Variants in UBXN6 observed in about 807,000 individuals in gnomAD.
The protein encoded by UBXN6 is UBX domain-containing protein 6.
In UBXN6, 44 loss-of-function variants were observed where a neutral mutation model predicts 51.4. That is an observed-to-expected ratio of 0.86 (90% confidence interval 0.67 to 1.10). The LOEUF (loss-of-function observed/expected upper bound fraction) is 1.10, where lower values mean the gene tolerates loss of function less well. Ranked by LOEUF, UBXN6 falls within the 50% of genes least tolerant of loss-of-function variation. The pLI is 0.00. For synonymous variants in UBXN6, 316 were observed against 263.2 expected, an observed-to-expected ratio of 1.20 and a Z score of -1.94; for missense variants, 672 against 596.1, an observed-to-expected ratio of 1.13 and a Z score of -1.32.
intron 5 of UBXN6, chr19:4,447,965 C>T (rs750985869): frequency 1.1e-4 from 53 of 497,046 alleles, no homozygotes; most frequent in Non-Finnish European, 1.7e-4. Context: ...GGGGCTCCTG[C>T]GGGGTGCTCC....
In UBXN6 at chr19:4,445,411, G is replaced by A; in HGVS notation, c.*87C>T. ...GGGGCAGAGCCAAGTATTTCCAGAG[G>A]TGGCTTGGAGGCCCTGGGGTGGCGG... On this transcript the variant is annotated 3_prime_UTR_variant, in exon 11 of 11. Transcript: ENST00000301281. The A allele has an allele frequency of 6.3e-7, 1 of 1,580,688 alleles. No individual in the cohort carries two copies.
chr19:4,445,271 T>C lies in UBXN6; in HGVS notation c.*227A>G. The C allele has an allele frequency of 1.6e-6, 1 of 609,534 alleles. No individual in the cohort carries two copies. 37.8% of individuals were successfully genotyped at this position (609,534 alleles called of 1,614,324 possible). The stretch of plus-strand genomic sequence containing the variant: ...TAGGGAGGGCTTAGATTTGTTGGTG[T>C]CCCCAGGCCTCTCCCTCGGGGGCTT... On this transcript the variant is annotated 3_prime_UTR_variant, in exon 11 of 11. Transcript: ENST00000301281.
At chr19:4,454,509 A>T (rs1240846909) in intron 1 of UBXN6, among the ~76,000 whole-genome samples, 2 of 152,032 alleles carry the variant, frequency 1.3e-5, no homozygotes, top group Non-Finnish European at 2.9e-5. Flanking sequence ...TGCAATCCTG[A>T]GCTCCCAGGC....
At position 4,457,762 on chromosome 19, in the gene UBXN6, G is replaced by A; in HGVS notation, c.-65C>T. On this transcript the variant is annotated 5_prime_UTR_variant, in exon 1 of 11. Transcript: ENST00000301281. ...GGGGGCACGGGGCCCAGTCGGGGAC[G>A]GGGCCGCCGGAGACCAGCCACCGGA... 3.3e-6 allele frequency: 3 copies of A among 912,452 alleles called. No homozygotes were observed. The highest frequency in any genetic ancestry group is 3.0e-6 in the Non-Finnish European group (2 of 675,332). 56.5% of individuals were successfully genotyped at this position (912,452 alleles called of 1,614,324 possible).
Position 4,445,281 on chromosome 19 carries a change from T to A in UBXN6, c.*217A>T. ...TTAGATTTGTTGGTGTCCCCAGGCC[T>A]CTCCCTCGGGGGCTTGGGCGCATCC... On this transcript the variant is annotated 3_prime_UTR_variant, in exon 11 of 11. Transcript: ENST00000301281. 1.4e-6 allele frequency: 1 copy of A among 704,750 alleles called. No individual in the cohort carries two copies. Among genetic ancestry groups the A allele is most frequent in the Non-Finnish European group, 2.3e-6 (1 of 429,854 alleles). The allele number at this position is 704,750 out of a possible 1,614,324, so 43.7% of individuals were successfully genotyped here. A position where few individuals can be genotyped will look rare whatever the true frequency, so the allele number is the denominator to read the frequency against.
intron 1 of UBXN6, among the ~76,000 whole-genome samples, chr19:4,455,849 C>T (rs981044130): frequency 1.3e-5 from 2 of 152,114 alleles, no homozygotes; most frequent in African/African-American, 2.4e-5. Context: ...TGGGAGAGGC[C>T]TTCCCAAACC....
Position 4,457,483 on chromosome 19 carries a change from C to G in UBXN6, c.83+132G>C, listed in dbSNP as rs531175438. On this transcript the variant is annotated intron_variant, in intron 1 of 10. Coordinates refer to ENST00000301281, the MANE Select transcript of UBXN6 (RefSeq NM_025241.3). ...TTCGTCCGCCCCCGGCGCCTCTCCC[C>G]CTCCCCTGACCCTCGCGTGCCGCTC... is the stretch of plus-strand genomic sequence containing the variant. The G allele has an allele frequency of 7.4e-5, 51 of 690,080 alleles. 1 individual carries two copies. In the African/African-American group the frequency reaches 9.7e-4, roughly 13 times the overall value. 42.7% of individuals were successfully genotyped at this position (690,080 alleles called of 1,614,324 possible).
At chr19:4,448,193 G>C in intron 5 of UBXN6, 125 bp downstream of exon 5, 1 of 857,314 alleles carries the variant, frequency 1.2e-6, no homozygotes, top group Non-Finnish European at 1.8e-6. Context: ...CTCACTCTCG[G>C]CCTATGCTCC....
rs545063702 is a variant in UBXN6 at position 4,457,736 on chromosome 19, G to A, written c.-39C>T. 103 of 1,401,286 alleles carry A rather than the reference G, an allele frequency of 7.4e-5. 2 individuals are homozygous for A. In the South Asian group the frequency reaches 1.3e-3, roughly 17 times the overall value. 86.8% of individuals were successfully genotyped at this position (1,401,286 alleles called of 1,614,324 possible). A position where few individuals can be genotyped will look rare whatever the true frequency, so the allele number is the denominator to read the frequency against. ...CCGGCGGCGGGGGGCCGCGGGGGCG[G>A]GGGGGCACGGGGCCCAGTCGGGGAC... is the stretch of plus-strand genomic sequence containing the variant. On this transcript the variant is annotated 5_prime_UTR_variant, in exon 1 of 11. Transcript: ENST00000301281.
chr19:4,446,298 C>A lies in UBXN6; in HGVS notation c.1036G>T (p.Gly346Cys). 1 of 1,572,146 alleles carries A rather than the reference C, an allele frequency of 6.4e-7. No homozygotes were observed. The highest frequency in any genetic ancestry group is 1.1e-5 in the South Asian group (1 of 87,216). ...TGGTGCCCACCCTGCAGGAGGCAGC[C>A]ATCGGGGAGGCGCACGCGCAGCAGC... ...YTLLRVRLPD[G>C]CLLQGTFYAR... The change falls in exon 9 of 11, where the codon GGC becomes TGC. Residue 346 changes from glycine to cysteine, a missense_variant. Transcript: ENST00000301281.
At chr19:4,448,241 G>A (rs890474132) in intron 5 of UBXN6, 77 bp downstream of exon 5, 4 of 1,329,358 alleles carry the variant, frequency 3.0e-6, no homozygotes, top group East Asian at 2.5e-5. Flanking sequence ...GGGGGCCAGA[G>A]GGGGTGACAG....
chr19:4,448,005 A>G, intron 5 of UBXN6: 1 of 519,166 alleles, frequency 1.9e-6, no homozygotes. Context: ...GTGGACCTCC[A>G]GGCCTGCCCC....
chr19:4,448,614 G>A, intron 4 of UBXN6, 199 bp from the exon 5 acceptor site: 1 of 595,592 alleles, frequency 1.7e-6, no homozygotes, highest in Non-Finnish European at 3.0e-6. Flanking sequence ...AGGCGACGCA[G>A]CCAAGACCCA....
At position 4,446,205 on chromosome 19, in the gene UBXN6, G is replaced by C; in HGVS notation, c.1052-8C>G. On this transcript the variant is annotated splice_polypyrimidine_tract_variant and splice_region_variant and intron_variant, in intron 9 of 10. Transcript: ENST00000301281. ...CCCGAGCGTAGAAAGTGCCTGGGGA[G>C]TGGGGGAGTCAGAGCGGGTGGGGCC... 1.3e-6 allele frequency: 2 copies of C among 1,598,004 alleles called. No homozygotes were observed. The highest frequency in any genetic ancestry group is 1.7e-6 in the Non-Finnish European group (2 of 1,175,434).
chr19:4,447,326 G>T (rs1205571264), intron 6 of UBXN6: 3 of 589,884 alleles, frequency 5.1e-6, no homozygotes, highest in Non-Finnish European at 6.1e-6. Flanking sequence ...AAGGATGCAG[G>T]TGAGGAGAGG....
intron 4 of UBXN6, 106 bp downstream of exon 4, chr19:4,452,258 C>T: frequency 6.6e-7 from 1 of 1,510,070 alleles, no homozygotes; most frequent in Non-Finnish European, 8.9e-7. Flanking sequence ...TAGCAGTGGC[C>T]TCTGGGGACT....
chr19:4,447,597 C>T lies in UBXN6; in HGVS notation c.568G>A (p.Glu190Lys), dbSNP rs141391502. The change falls in exon 6 of 11, where the codon GAG becomes AAG. Residue 190 changes from glutamate (E) to lysine (K), a missense_variant. Glu to Lys is a moderately conservative substitution (Grantham distance 56, BLOSUM62 1). Transcript: ENST00000301281. ...KYLDNIHLHP[E>K]EEKYRKIKLQ... The stretch of plus-strand genomic sequence containing the variant: ...TTGATCTTCCGGTACTTCTCCTCCT[C>T]GGGGTGCAGGTGGATGTTGTCCAGG... 350 of 1,613,952 alleles carry T rather than the reference C, an allele frequency of 2.2e-4. 2 individuals are homozygous for T. In the Middle Eastern group the frequency reaches 5.5e-3, roughly 25 times the overall value.
chr19:4,451,348 G>A (rs1168267077), intron 4 of UBXN6, among the ~76,000 whole-genome samples: 3 of 151,986 alleles, frequency 2.0e-5, no homozygotes, highest in Non-Finnish European at 4.4e-5. Flanking sequence ...AAGAGCCACC[G>A]CGCCCAGCCA....
intron 10 of UBXN6, chr19:4,445,847 G>T: frequency 2.9e-6 from 3 of 1,049,860 alleles, no homozygotes; most frequent in Non-Finnish European, 4.0e-6. Flanking sequence ...CCCATTTGAT[G>T]GGGAAACTGA....
Sources: gnomAD v4.1 joint callset for allele counts (sites outside exome capture counted in the v4.1 genomes callset) on GRCh38, gnomAD v4.1.1 for gene constraint, MANE v1.5 for transcripts, NCBI Gene and HGNC (gene_info 2026-07-23, HGNC 2026-07-21) for gene names.